The following PIP5K1A variants were observed in gnomAD, a reference collection of about 807,000 sequenced individuals.
PIP5K1A encodes phosphatidylinositol-4-phosphate 5-kinase type 1 alpha.
A neutral mutation model predicts 72.9 loss-of-function variants in PIP5K1A; 46 were observed. The observed-to-expected ratio is 0.63, with a 90% CI of 0.50 to 0.81. PIP5K1A has a LOEUF of 0.81. PIP5K1A is among the 30% of genes least tolerant of loss of function. PIP5K1A has a pLI of 0.00. For missense variants in PIP5K1A, 458 were observed against 706.1 expected (o/e 0.65, Z 3.98); for synonymous variants, 228 against 255.1 (o/e 0.89, Z 1.01).
At chr1:151,199,649 G>A (rs1007615664) in intron 1 of PIP5K1A, among the ~76,000 whole-genome samples, 2 of 151,292 alleles carry the variant, frequency 1.3e-5, no homozygotes, top group African/African-American at 4.9e-5. Flanking sequence ...TAGGAAACAA[G>A]AGAAACGGAA....
chr1:151,237,934 G>C (rs1298682437), intron 9 of PIP5K1A, among the ~76,000 whole-genome samples: 1 of 152,156 alleles, frequency 6.6e-6, no homozygotes, highest in Non-Finnish European at 1.5e-5. Flanking sequence ...GGAAGAGGTA[G>C]GCAAGAAGAT....
At chr1:151,198,224 C>T (rs1684723033), upstream of PIP5K1A, 1 of 396,848 alleles carries the variant, frequency 2.5e-6, no homozygotes, top group Non-Finnish European at 5.1e-6. Context: ...ATATTCGACA[C>T]CTTAACGTCT....
intron 14 of PIP5K1A, among the ~76,000 whole-genome samples, chr1:151,243,733 C>T (rs1692088688): frequency 6.6e-6 from 1 of 152,054 alleles, no homozygotes; most frequent in South Asian, 2.1e-4. Context: ...CTAGTGGTCT[C>T]TATTTTGTAC....
At chr1:151,228,302 CCA>C (rs1689458115) in intron 4 of PIP5K1A, among the ~76,000 whole-genome samples, 1 of 152,060 alleles carries the variant, frequency 6.6e-6, no homozygotes, top group Non-Finnish European at 1.5e-5. Context: ...CAGGTGCACA[CCA>C]CCACACATGG....
At chr1:151,219,724 C>T (rs1688137491) in intron 1 of PIP5K1A, among the ~76,000 whole-genome samples, 1 of 150,616 alleles carries the variant, frequency 6.6e-6, no homozygotes, top group Non-Finnish European at 1.5e-5. Context: ...GGAAAGTAGG[C>T]CTTGTGCGGT....
chr1:151,230,197 A>T (rs947556008), intron 4 of PIP5K1A, among the ~76,000 whole-genome samples: 3 of 152,278 alleles, frequency 2.0e-5, no homozygotes, highest in Non-Finnish European at 2.9e-5. Flanking sequence ...GAGCAAAGCT[A>T]TCTAATCAAA....
chr1:151,224,510 A>T, intron 3 of PIP5K1A, 104 bp downstream of exon 3: 1 of 847,030 alleles, frequency 1.2e-6, no homozygotes, highest in Admixed American at 2.0e-5. Context: ...TGCAATATAT[A>T]CCAAAAAGTA....
Position 151,198,865 on chromosome 1 carries a change from C to T in PIP5K1A, c.-132C>T. 1.2e-6 allele frequency: 1 copy of T among 851,232 alleles called. No homozygotes were observed. Among genetic ancestry groups the T allele is most frequent in the Non-Finnish European group, 1.9e-6 (1 of 521,198 alleles). The allele number at this position is 851,232 out of a possible 1,614,324, so 52.7% of individuals were successfully genotyped here. A position where few individuals can be genotyped will look rare whatever the true frequency, so the allele number is the denominator to read the frequency against. Reference sequence around the variant, plus strand: ...GCCGGCTCGACGTGTCTGAGGGAGGCCCCGGAGGGGGCGGGGAGGTGGCCC... The same window carrying T: ...GCCGGCTCGACGTGTCTGAGGGAGGTCCCGGAGGGGGCGGGGAGGTGGCCC... On this transcript the variant is annotated 5_prime_UTR_variant, in exon 1 of 16. Transcript: ENST00000368888.
chr1:151,200,682 TA>T (rs1276094662), intron 1 of PIP5K1A, among the ~76,000 whole-genome samples: 5 of 152,204 alleles, frequency 3.3e-5, no homozygotes, highest in Non-Finnish European at 7.3e-5. Flanking sequence ...CAGTTTTATT[TA>T]TTTTTAATAA....
chr1:151,242,149 C>T lies in PIP5K1A; in HGVS notation c.1390C>T (p.Arg464Trp), dbSNP rs763944215. 4 of 1,614,140 alleles carry T rather than the reference C, an allele frequency of 2.5e-6. No homozygotes were observed. Among genetic ancestry groups the T allele is most frequent in the Admixed American group, 3.3e-5 (2 of 60,016 alleles). ...PLKPSPSKKF[R>W]SGSSFSRRAG... ...GAAGCCTTCTCCTTCCAAAAAGTTT[C>T]GGTCTGGCTCATCTTTCTCTCGGCG... is the stretch of plus-strand genomic sequence containing the variant. The change falls in exon 13 of 16, where the codon CGG becomes TGG. Residue 464 changes from arginine to tryptophan, a missense_variant. By Grantham distance (101) the Arg-to-Trp change is moderately radical (BLOSUM62 -3). Transcript: ENST00000368888.
chr1:151,211,764 C>T (rs587607671), intron 1 of PIP5K1A, among the ~76,000 whole-genome samples: 2 of 147,914 alleles, frequency 1.4e-5, no homozygotes, highest in East Asian at 4.0e-4. Context: ...CAAGATCGTG[C>T]CACTGCACTC....
chr1:151,218,452 C>A (rs1687937399), intron 1 of PIP5K1A, among the ~76,000 whole-genome samples: 1 of 152,092 alleles, frequency 6.6e-6, no homozygotes, highest in African/African-American at 2.4e-5. Flanking sequence ...TGTCCATTAG[C>A]AAATCTGAGA....
At position 151,248,050 on chromosome 1, in the gene PIP5K1A, C is replaced by T. The variant is rs1692760577; in HGVS notation, c.*185C>T. The T allele has an allele frequency of 1.6e-6, 1 of 633,852 alleles. No homozygotes were observed. The highest frequency in any genetic ancestry group is 2.8e-6 in the Non-Finnish European group (1 of 354,514). The allele number at this position is 633,852 out of a possible 1,614,324, so 39.3% of individuals were successfully genotyped here. On this transcript the variant is annotated 3_prime_UTR_variant, in exon 16 of 16. Coordinates refer to ENST00000368888, the MANE Select transcript of PIP5K1A (RefSeq NM_001135638.2). ...AGAACCTTCTCTCCTTCCTCTTCCT[C>T]ATGAATGGGCCTTAGTGCCTCAGAG...
At chr1:151,212,881 C>CTTTTTTTTTTTT (rs59115186) in intron 1 of PIP5K1A, among the ~76,000 whole-genome samples, 4 of 112,998 alleles carry the variant, frequency 3.5e-5, no homozygotes, top group Non-Finnish European at 5.4e-5. Context: ...CTGACTTTGC[C>CTTTTTTTTTTTT]TTTTTTTTTT....
At chr1:151,232,113 A>G in intron 5 of PIP5K1A, 135 bp from the exon 6 acceptor site, 1 of 703,606 alleles carries the variant, frequency 1.4e-6, no homozygotes, top group Admixed American at 2.1e-5. Flanking sequence ...TCATCTAAGA[A>G]GGGCTGTGAT....
At chr1:151,244,604 C>T (rs147382701) in intron 14 of PIP5K1A, among the ~76,000 whole-genome samples, 2,293 of 152,186 alleles carry the variant, frequency 0.015, 65 homozygotes, top group African/African-American at 0.053. Flanking sequence ...TGCAGTGAGC[C>T]GAAATCGCGC....
At chr1:151,223,644 C>A (rs867368529) in intron 1 of PIP5K1A, among the ~76,000 whole-genome samples, 854 of 120,166 alleles carry the variant, frequency 7.1e-3, no homozygotes, top group Middle Eastern at 9.8e-3. Context: ...GACTCTGTCT[C>A]AAAAAAAAAA....
At chr1:151,225,557 C>T (rs1234833784) in intron 3 of PIP5K1A, among the ~76,000 whole-genome samples, 1 of 151,428 alleles carries the variant, frequency 6.6e-6, no homozygotes, top group East Asian at 1.9e-4. Context: ...ATGTCCTCTG[C>T]CTCCCAGGTT....
At chr1:151,211,652 CG>C (rs1686812160) in intron 1 of PIP5K1A, among the ~76,000 whole-genome samples, 1 of 137,818 alleles carries the variant, frequency 7.3e-6, no homozygotes, top group Non-Finnish European at 1.6e-5. Context: ...AAAAATTAGC[CG>C]GGCGTTGTGG....
Sources: allele counts gnomAD v4.1 joint callset (sites outside exome capture counted in the v4.1 genomes callset), GRCh38; gene constraint gnomAD v4.1.1; transcripts MANE v1.5; gene names NCBI Gene and HGNC (gene_info 2026-07-23, HGNC 2026-07-21).